HS6ST2: variants seen among roughly 807,000 people sequenced by gnomAD.
HS6ST2 encodes the protein heparan sulfate 6-O-sulfotransferase 2, also known as heparan-sulfate 6-O-sulfotransferase 2.
HS6ST2 carries 17 observed loss-of-function variants against 33.0 expected under a neutral mutation model. The ratio of observed to expected loss-of-function variants is 0.52; its 90% CI spans 0.35 to 0.77. HS6ST2 has a LOEUF of 0.77. HS6ST2 is among the 30% of genes least tolerant of loss of function. HS6ST2 has a pLI of 0.01. For synonymous variants in HS6ST2, 248 were observed against 237.1 expected, an observed-to-expected ratio of 1.05 and a Z score of -0.42; for missense variants, 519 against 551.7, an observed-to-expected ratio of 0.94 and a Z score of 0.59.
At chrX:132,697,415 C>T (rs886705460) in intron 3 of HS6ST2, among the ~76,000 whole-genome samples, 1 of 112,050 alleles carries the variant, frequency 8.9e-6, no homozygotes, top group African/African-American at 3.2e-5. Context: ...CAACAGGTCA[C>T]ATGAGAGTTA....
intron 4 of HS6ST2, among the ~76,000 whole-genome samples, chrX:132,667,438 C>A (rs923642328): frequency 1.8e-5 from 2 of 111,900 alleles, no homozygotes; most frequent in African/African-American, 3.2e-5. Context: ...AGATATAGAT[C>A]ATTTTTTATC....
intron 2 of HS6ST2, among the ~76,000 whole-genome samples, chrX:132,924,907 G>C (rs1292260614): frequency 9.0e-6 from 1 of 111,149 alleles, no homozygotes; most frequent in Non-Finnish European, 1.9e-5. Context: ...AGGATTGCTT[G>C]AGCCTGGGAG....
chrX:132,952,795 A>G (rs2067027457), intron 2 of HS6ST2, among the ~76,000 whole-genome samples: 1 of 111,131 alleles, frequency 9.0e-6, no homozygotes, highest in African/African-American at 3.3e-5. Context: ...CAATATGGCA[A>G]TGAAAGGCCC....
rs572359249 is a variant in HS6ST2 at position 132,741,499 on chromosome X, C to G, written c.948-33005G>C. Among the ~76,000 whole-genome samples the G allele has an allele frequency of 9.1e-5, 10 of 110,229 alleles. No homozygotes were observed. The South Asian group carries it at 3.9e-3, about 43-fold the overall frequency. On this transcript the variant is annotated intron_variant, in intron 2 of 4. Transcript: ENST00000370833. ...ATTTCACCATGTTGGTCAGGCTGGT[C>G]TCGAACTCCTGACCTCAAGTGATCC...
upstream of HS6ST2, among the ~76,000 whole-genome samples, chrX:132,959,544 G>A (rs2067127814): frequency 3.6e-5 from 4 of 112,320 alleles, no homozygotes; most frequent in South Asian, 1.5e-3. Context: ...GAGTCCTGGG[G>A]TGGGGGCATG....
chrX:132,840,044 A>G (rs1262978497), intron 2 of HS6ST2, among the ~76,000 whole-genome samples: 1 of 110,790 alleles, frequency 9.0e-6, no homozygotes, highest in Non-Finnish European at 1.9e-5. Context: ...TGAACCCAGC[A>G]GGCAGAGTTT....
chrX:132,672,971 T>C (rs2063896171), intron 3 of HS6ST2, among the ~76,000 whole-genome samples: 3 of 112,012 alleles, frequency 2.7e-5, no homozygotes, highest in Non-Finnish European at 3.8e-5. Flanking sequence ...ATGGGTGGCA[T>C]ATAGAAACTT....
chrX:132,764,984 G>C (rs139398177), intron 2 of HS6ST2, among the ~76,000 whole-genome samples: 1,378 of 112,060 alleles, frequency 0.012, 25 homozygotes, highest in African/African-American at 0.043. Flanking sequence ...TTCTGGTCTT[G>C]AGTATTTCAT....
At chrX:132,746,761 G>A (rs775027996) in intron 2 of HS6ST2, among the ~76,000 whole-genome samples, 9 of 111,395 alleles carry the variant, frequency 8.1e-5, no homozygotes, top group Non-Finnish European at 1.7e-4. Flanking sequence ...ACATCCAAGC[G>A]AAACAATCCC....
intron 2 of HS6ST2, among the ~76,000 whole-genome samples, chrX:132,734,158 A>G (rs1274724683): frequency 2.9e-5 from 3 of 104,746 alleles, no homozygotes; most frequent in African/African-American, 1.0e-4. Flanking sequence ...ACTTGCAATT[A>G]ATATGCAGAC....
At chrX:132,790,777 AGAG>A (rs2065113942) in intron 2 of HS6ST2, among the ~76,000 whole-genome samples, 1 of 112,386 alleles carries the variant, frequency 8.9e-6, no homozygotes, top group Non-Finnish European at 1.9e-5. Context: ...AGGCATTAAA[AGAG>A]TGACTGACAA....
chrX:132,788,688 T>C (rs1045153452), intron 2 of HS6ST2, among the ~76,000 whole-genome samples: 2 of 112,712 alleles, frequency 1.8e-5, no homozygotes, highest in Non-Finnish European at 3.7e-5. Flanking sequence ...GTTTGTCAAG[T>C]TGTGATTGAT....
intron 4 of HS6ST2, among the ~76,000 whole-genome samples, chrX:132,663,271 T>C (rs1247316004): frequency 8.9e-6 from 1 of 112,667 alleles, no homozygotes; most frequent in Non-Finnish European, 1.9e-5. Context: ...GCCTATGTTA[T>C]TTATCCCCGG....
At chrX:132,899,336 T>C (rs2066406866) in intron 2 of HS6ST2, among the ~76,000 whole-genome samples, 1 of 111,681 alleles carries the variant, frequency 9.0e-6, no homozygotes, top group Non-Finnish European at 1.9e-5. Context: ...ACACAAATTA[T>C]AGACTTAACA....
chrX:132,643,156 T>G (rs762011664), intron 4 of HS6ST2, among the ~76,000 whole-genome samples: 50 of 112,453 alleles, frequency 4.4e-4, no homozygotes, highest in African/African-American at 1.4e-3. Flanking sequence ...GGCTCTACTT[T>G]GATGAAAGCA....
intron 2 of HS6ST2, among the ~76,000 whole-genome samples, chrX:132,871,220 C>T (rs1176838053): frequency 3.6e-5 from 4 of 112,085 alleles, no homozygotes; most frequent in East Asian, 5.6e-4. Context: ...AAAACCACAA[C>T]GAGATACTAT....
At chrX:132,757,323 G>A (rs887402331) in intron 2 of HS6ST2, among the ~76,000 whole-genome samples, 2 of 111,951 alleles carry the variant, frequency 1.8e-5, no homozygotes, top group African/African-American at 6.5e-5. Context: ...GGCTTCTGAA[G>A]AGTTGCTAAA....
At chrX:132,949,062 T>C (rs1316995616) in intron 2 of HS6ST2, among the ~76,000 whole-genome samples, 1 of 111,651 alleles carries the variant, frequency 9.0e-6, no homozygotes, top group Non-Finnish European at 1.9e-5. Flanking sequence ...GGGGTAATAC[T>C]CTTATGCAGT....
At chrX:132,893,710 C>T (rs995118824) in intron 2 of HS6ST2, among the ~76,000 whole-genome samples, 5 of 111,573 alleles carry the variant, frequency 4.5e-5, no homozygotes, top group African/African-American at 1.6e-4. Flanking sequence ...CAAGATCTGC[C>T]TGAAGCCAAG....
Sources: allele counts gnomAD v4.1 joint callset (sites outside exome capture counted in the v4.1 genomes callset), GRCh38; gene constraint gnomAD v4.1.1; transcripts MANE v1.5; gene names NCBI Gene and HGNC (gene_info 2026-07-23, HGNC 2026-07-21).